IFNAR1: variants seen among roughly 807,000 people sequenced by gnomAD.
IFNAR1 encodes interferon alpha and beta receptor subunit 1.
In IFNAR1, 47 loss-of-function variants were observed where a neutral mutation model predicts 62.1. The observed-to-expected ratio is 0.76, with a 90% CI of 0.60 to 0.97. IFNAR1 has a LOEUF of 0.97. Ranked by LOEUF, IFNAR1 falls within the 50% of genes least tolerant of loss-of-function variation. The pLI, the probability that IFNAR1 is intolerant of heterozygous loss-of-function variation, is 0.00. For synonymous variants in IFNAR1, 219 were observed against 226.9 expected, an observed-to-expected ratio of 0.97 and a Z score of 0.31; for missense variants, 638 against 654.5, an observed-to-expected ratio of 0.97 and a Z score of 0.27.
chr21:33,327,407 A>G (rs993810804), intron 1 of IFNAR1, among the ~76,000 whole-genome samples: 1 of 152,170 alleles, frequency 6.6e-6, no homozygotes, highest in African/African-American at 2.4e-5. Flanking sequence ...TTAAGCTTTC[A>G]GAGCAGTGTA....
At chr21:33,354,078 C>G (rs1342823114) in intron 10 of IFNAR1, among the ~76,000 whole-genome samples, 1 of 152,226 alleles carries the variant, frequency 6.6e-6, no homozygotes, top group African/African-American at 2.4e-5. Context: ...CGTGGTGGCT[C>G]ACGCCTGTAA....
chr21:33,340,405 G>T (rs890348637), intron 2 of IFNAR1, among the ~76,000 whole-genome samples: 1 of 152,070 alleles, frequency 6.6e-6, no homozygotes, highest in Admixed American at 6.6e-5. Context: ...AGGCTGGAGT[G>T]CAGTGATATG....
intron 2 of IFNAR1, among the ~76,000 whole-genome samples, chr21:33,338,948 A>T (rs1235065715): frequency 1.3e-5 from 2 of 151,740 alleles, no homozygotes; most frequent in Non-Finnish European, 2.9e-5. Context: ...CTCCATGTTG[A>T]TCGGGCTGAT....
chr21:33,335,766 G>A lies in IFNAR1; in HGVS notation c.200+119G>A, dbSNP rs187569890. 55 of 794,924 alleles carry A rather than the reference G, an allele frequency of 6.9e-5. 1 individual carries two copies. Among genetic ancestry groups the A allele is most frequent in the East Asian group, 6.1e-4 (21 of 34,442 alleles). The allele number at this position is 794,924 out of a possible 1,614,324, so 49.2% of individuals were successfully genotyped here. A position where few individuals can be genotyped will look rare whatever the true frequency, so the allele number is the denominator to read the frequency against. ...TTTTTCTATTTTTTAGAAATGTTAC[G>A]CCTATTTTACATAATATTTTTAACT... On this transcript the variant is annotated intron_variant, in intron 2 of 10. Transcript: ENST00000270139.
At chr21:33,332,440 C>G (rs770788932) in intron 1 of IFNAR1, among the ~76,000 whole-genome samples, 8 of 152,126 alleles carry the variant, frequency 5.3e-5, no homozygotes, top group Non-Finnish European at 8.8e-5. Context: ...AGGTAATTAT[C>G]CTATCAACAC....
At chr21:33,325,486 A>T (rs1438085271) in intron 1 of IFNAR1, among the ~76,000 whole-genome samples, 1 of 152,146 alleles carries the variant, frequency 6.6e-6, no homozygotes, top group Non-Finnish European at 1.5e-5. Flanking sequence ...CCCGAAATGC[A>T]TTTCCTCAAT....
intron 2 of IFNAR1, among the ~76,000 whole-genome samples, chr21:33,340,793 GAA>G (rs1050712423): frequency 6.6e-6 from 1 of 152,164 alleles, no homozygotes; most frequent in Middle Eastern, 3.4e-3. Context: ...TATATGCATT[GAA>G]AAAGAGTGGA....
rs2083461102 is a variant in IFNAR1, at chr21:33,357,588, T to TGC, written c.*2040_*2041insCG. 1.3e-5 allele frequency: 2 copies of TGC among 151,786 alleles called. No homozygotes were observed. Among genetic ancestry groups the TGC allele is most frequent in the Non-Finnish European group, 2.9e-5 (2 of 68,034 alleles). The allele number at this position is 151,786 out of a possible 1,614,324, so 9.4% of individuals were successfully genotyped here. The stretch of plus-strand genomic sequence containing the variant: ...TTGCCCAGGCTGGAGTGCAGTGGCT[T>TGC]GATCTCGGCTCACTGCAACCTCGCC... On this transcript the variant is annotated 3_prime_UTR_variant, in exon 11 of 11. Coordinates refer to ENST00000270139, the MANE Select transcript of IFNAR1 (RefSeq NM_000629.3).
chr21:33,351,963 T>C (rs2083401586), intron 8 of IFNAR1, among the ~76,000 whole-genome samples: 1 of 152,026 alleles, frequency 6.6e-6, no homozygotes, highest in African/African-American at 2.4e-5. Flanking sequence ...CCCAAAGTGC[T>C]GGGATTACAG....
intron 3 of IFNAR1, among the ~76,000 whole-genome samples, chr21:33,342,806 G>A (rs796085940): frequency 2.1e-4 from 32 of 151,680 alleles, no homozygotes; most frequent in African/African-American, 7.3e-4. Context: ...GCAGTGAGCC[G>A]AGATCGTGCC....
At position 33,355,564 on chromosome 21, in the gene IFNAR1, T is replaced by G; in HGVS notation, c.*15T>G. The G allele has an allele frequency of 1.4e-6, 2 of 1,433,744 alleles. No individual in the cohort carries two copies. Among genetic ancestry groups the G allele is most frequent in the Non-Finnish European group, 1.9e-6 (2 of 1,045,148 alleles). 88.8% of individuals were successfully genotyped at this position (1,433,744 alleles called of 1,614,324 possible). A position where few individuals can be genotyped will look rare whatever the true frequency, so the allele number is the denominator to read the frequency against. On this transcript the variant is annotated 3_prime_UTR_variant, in exon 11 of 11. Coordinates refer to ENST00000270139, the MANE Select transcript of IFNAR1 (RefSeq NM_000629.3). Reference sequence around the variant, plus strand: ...ACTTTGTATGACCAGAAATGAACTGTGTCAAGTATAAGGTTTTTCAGCAGG... The same window carrying G: ...ACTTTGTATGACCAGAAATGAACTGGGTCAAGTATAAGGTTTTTCAGCAGG...
chr21:33,352,651 C>T (rs532486545), intron 8 of IFNAR1, 107 bp from the exon 9 acceptor site: 22 of 575,622 alleles, frequency 3.8e-5, no homozygotes, highest in Admixed American at 1.2e-4. Context: ...ATACCAACTA[C>T]GTGGGAGAGG....
chr21:33,355,589 G>A lies in IFNAR1; in HGVS notation c.*40G>A. On this transcript the variant is annotated 3_prime_UTR_variant, in exon 11 of 11. Coordinates refer to ENST00000270139, the MANE Select transcript of IFNAR1 (RefSeq NM_000629.3). ...TGTCAAGTATAAGGTTTTTCAGCAG[G>A]AGTTACACTGGGAGCCTGAGGTCCT... is the stretch of plus-strand genomic sequence containing the variant. 8.9e-7 allele frequency: 1 copy of A among 1,121,346 alleles called. No individual in the cohort carries two copies. Among genetic ancestry groups the A allele is most frequent in the Non-Finnish European group, 1.3e-6 (1 of 782,764 alleles). The allele number at this position is 1,121,346 out of a possible 1,614,324, so 69.5% of individuals were successfully genotyped here.
intron 6 of IFNAR1, among the ~76,000 whole-genome samples, chr21:33,348,658 C>G (rs1361403722): frequency 6.6e-6 from 1 of 152,056 alleles, no homozygotes; most frequent in East Asian, 1.9e-4. Flanking sequence ...AAAAATTAGG[C>G]AGGCCTGGTG....
At chr21:33,355,249 C>A (rs1259700114) in intron 10 of IFNAR1, 67 bp from the exon 11 acceptor site, 11 of 809,040 alleles carry the variant, frequency 1.4e-5, no homozygotes, top group Middle Eastern at 3.8e-4. Flanking sequence ...AAAGCTATTA[C>A]AACTAGAAAA....
At chr21:33,335,013 C>T (rs1476875458) in intron 1 of IFNAR1, 3 of 1,489,130 alleles carry the variant, frequency 2.0e-6, no homozygotes, top group Admixed American at 3.4e-5. Flanking sequence ...CTCTTCCTGG[C>T]ACTGGTCAAT....
intron 8 of IFNAR1, among the ~76,000 whole-genome samples, chr21:33,350,363 G>A (rs1375541057): frequency 6.6e-6 from 1 of 151,892 alleles, no homozygotes; most frequent in South Asian, 2.1e-4. Flanking sequence ...AAGAATTTAT[G>A]TAGTACAGTT....
At chr21:33,343,707 A>G (rs764117847) in intron 5 of IFNAR1, 31 bp downstream of exon 5, 1 of 1,497,366 alleles carries the variant, frequency 6.7e-7, no homozygotes, top group South Asian at 1.2e-5. Context: ...TAGATTCAAT[A>G]AATATATAAA....
chr21:33,324,444 T>G (rs2083103392), upstream of IFNAR1: 1 of 153,430 alleles, frequency 6.5e-6, no homozygotes, highest in African/African-American at 2.4e-5. Flanking sequence ...CACTTCCTCC[T>G]TCCAGCCTCA....
Sources: gnomAD v4.1 joint callset for allele counts (sites outside exome capture counted in the v4.1 genomes callset) on GRCh38, gnomAD v4.1.1 for gene constraint, MANE v1.5 for transcripts, NCBI Gene and HGNC (gene_info 2026-07-23, HGNC 2026-07-21) for gene names.